Variants in IKZF3 observed in about 807,000 individuals in gnomAD.
IKZF3 encodes the protein zinc finger protein Aiolos.
Under a neutral mutation model 49.0 loss-of-function variants are expected in IKZF3, and 10 were observed. The ratio of observed to expected loss-of-function variants is 0.20; its 90% confidence interval spans 0.13 to 0.35. The LOEUF (loss-of-function observed/expected upper bound fraction) is 0.35. Among genes scored for constraint, IKZF3 ranks in the 10% least tolerant of loss-of-function variants. The pLI is 1.00. For missense variants in IKZF3, 498 were observed against 664.8 expected (o/e 0.75, Z 2.76); for synonymous variants, 209 against 228.2 (o/e 0.92, Z 0.76).
chr17:39,854,461 T>C (rs2062980124), intron 1 of IKZF3, among the ~76,000 whole-genome samples: 2 of 152,116 alleles, frequency 1.3e-5, no homozygotes, highest in African/African-American at 4.8e-5. Flanking sequence ...AGGTGGTAAT[T>C]CCAATCCTAG....
rs77767013 is a variant in IKZF3, at chr17:39,788,124, A to C, written c.709+134T>G. ...ACCACCCGCTAACCTTCCAACTTAC[A>C]GTTTGCTCATTTACTTTCTTTATAA... On this transcript the variant is annotated intron_variant, in intron 6 of 7. Transcript: ENST00000346872. The C allele has an allele frequency of 2.2e-3, 1,352 of 603,128 alleles. 11 individuals are homozygous for C. Among genetic ancestry groups the C allele is most frequent in the African/African-American group, 0.021 (1,136 of 53,764 alleles). The allele number at this position is 603,128 out of a possible 1,614,324, so 37.4% of individuals were successfully genotyped here.
At chr17:39,796,797 C>G (rs1157395600) in intron 3 of IKZF3, among the ~76,000 whole-genome samples, 1 of 150,400 alleles carries the variant, frequency 6.6e-6, no homozygotes, top group African/African-American at 2.4e-5. Context: ...CCACCCACCT[C>G]GGCCTCCCAA....
chr17:39,807,205 T>C (rs1354008689), intron 3 of IKZF3, among the ~76,000 whole-genome samples: 2 of 152,064 alleles, frequency 1.3e-5, no homozygotes, highest in South Asian at 2.1e-4. Flanking sequence ...AATATAGGGG[T>C]AGTTTCTTAT....
intron 1 of IKZF3, among the ~76,000 whole-genome samples, chr17:39,850,121 AT>A (rs1213306382): frequency 5.0e-5 from 7 of 140,922 alleles, no homozygotes; most frequent in African/African-American, 1.8e-4. Context: ...TATATACTAT[AT>A]GTATATATAC....
At chr17:39,834,267 G>C (rs2062198701) in intron 1 of IKZF3, among the ~76,000 whole-genome samples, 1 of 152,194 alleles carries the variant, frequency 6.6e-6, no homozygotes, top group Non-Finnish European at 1.5e-5. Context: ...AGTGAAACTA[G>C]AACTTGTTCA....
chr17:39,788,412 G>A (rs571023490), intron 5 of IKZF3, 38 bp from the exon 6 acceptor site: 1 of 1,345,760 alleles, frequency 7.4e-7, no homozygotes, highest in Admixed American at 1.7e-5. Flanking sequence ...GTGACCCTCA[G>A]GGGTTCCACA....
Position 39,791,516 on chromosome 17 carries a change from G to A in IKZF3, c.492C>T (p.His164=). Residue 164 remains histidine (H), a synonymous_variant, in exon 5 of 8, where the codon CAC becomes CAT. Transcript: ENST00000346872. ...SFTQKGNLLR[H]IKLHTGEKPF... ...GTTTTTCCCCTGTGTGCAGTTTAAT[G>A]TGGCGGAGGAGGTTACCTTTCTGAG... 6.2e-7 allele frequency: 1 copy of A among 1,614,102 alleles called. No homozygotes were observed. Among genetic ancestry groups the A allele is most frequent in the Non-Finnish European group, 8.5e-7 (1 of 1,179,988 alleles).
intron 7 of IKZF3, among the ~76,000 whole-genome samples, chr17:39,771,050 T>C (rs534758269): frequency 6.6e-6 from 1 of 152,324 alleles, no homozygotes; most frequent in Admixed American, 6.5e-5. Context: ...TTTGATTCAC[T>C]TTCCAAGATT....
intron 7 of IKZF3, among the ~76,000 whole-genome samples, chr17:39,777,190 C>T (rs542960764): frequency 1.3e-5 from 2 of 152,346 alleles, no homozygotes; most frequent in Middle Eastern, 3.4e-3. Flanking sequence ...TGCCCAACCA[C>T]TTTCCCTTAA....
rs1484548101 is a variant in IKZF3 at position 39,762,518 on chromosome 17, A to G, written c.*3272T>C. 2.6e-5 allele frequency: 4 copies of G among 152,196 alleles called. No individual in the cohort carries two copies. Among genetic ancestry groups the G allele is most frequent in the African/African-American group, 9.7e-5 (4 of 41,430 alleles). 9.4% of individuals were successfully genotyped at this position (152,196 alleles called of 1,614,324 possible). A position where few individuals can be genotyped will look rare whatever the true frequency, so the allele number is the denominator to read the frequency against. On this transcript the variant is annotated 3_prime_UTR_variant, in exon 8 of 8. Transcript: ENST00000346872. ...GCAGCAAATTCATTAGTCACAGGAA[A>G]AAGGAGGATCATATCTATAAAAAGA...
At chr17:39,826,782 A>T (rs1598129948) in intron 3 of IKZF3, among the ~76,000 whole-genome samples, 1 of 152,204 alleles carries the variant, frequency 6.6e-6, no homozygotes, top group Non-Finnish European at 1.5e-5. Flanking sequence ...GGGGGATGCT[A>T]CAGCCACTGC....
At chr17:39,788,155 C>T (rs961004079) in intron 6 of IKZF3, 103 bp downstream of exon 6, 2 of 690,318 alleles carry the variant, frequency 2.9e-6, no homozygotes, top group African/African-American at 3.6e-5. Context: ...TATAATCTGT[C>T]TGCCCCCAGT....
chr17:39,762,969 T>C lies in IKZF3; in HGVS notation c.*2821A>G, dbSNP rs1436054280. The C allele has an allele frequency of 1.3e-5, 2 of 152,210 alleles. No homozygotes were observed. The highest frequency in any genetic ancestry group is 2.9e-5 in the Non-Finnish European group (2 of 68,042). 9.4% of individuals were successfully genotyped at this position (152,210 alleles called of 1,614,324 possible). A position where few individuals can be genotyped will look rare whatever the true frequency, so the allele number is the denominator to read the frequency against. Reference sequence around the variant, plus strand: ...GGTGGAAAGGCTTCCTTTCCCTCGTTTTCTCTTCTACTAATCCCTGCTTCC... The same window carrying C: ...GGTGGAAAGGCTTCCTTTCCCTCGTCTTCTCTTCTACTAATCCCTGCTTCC... On this transcript the variant is annotated 3_prime_UTR_variant, in exon 8 of 8. Transcript: ENST00000346872.
At chr17:39,861,980 C>T (rs1463988466) in intron 1 of IKZF3, among the ~76,000 whole-genome samples, 1 of 151,998 alleles carries the variant, frequency 6.6e-6, no homozygotes, top group African/African-American at 2.4e-5. Flanking sequence ...TCTGCCATTA[C>T]CTGTGAAATT....
At chr17:39,776,265 A>G (rs2060586696) in intron 7 of IKZF3, among the ~76,000 whole-genome samples, 2 of 152,364 alleles carry the variant, frequency 1.3e-5, no homozygotes, top group South Asian at 4.1e-4. Flanking sequence ...AACAAAACCC[A>G]TAACTTTCTC....
intron 6 of IKZF3, among the ~76,000 whole-genome samples, chr17:39,780,184 T>C (rs2060702544): frequency 6.6e-6 from 1 of 151,070 alleles, no homozygotes; most frequent in Non-Finnish European, 1.5e-5. Context: ...ACAATTACTT[T>C]TGCACCAACC....
intron 3 of IKZF3, among the ~76,000 whole-genome samples, chr17:39,807,401 CTTTT>C (rs1257023793): frequency 2.9e-5 from 4 of 136,190 alleles, no homozygotes; most frequent in Admixed American, 1.5e-4. Flanking sequence ...CAATGATATT[CTTTT>C]TTTTTTTTTT....
chr17:39,839,495 C>G (rs2062402570), intron 1 of IKZF3: 1 of 568,688 alleles, frequency 1.8e-6, no homozygotes, highest in African/African-American at 1.9e-5. Flanking sequence ...CCAGGAATCA[C>G]TTAATCCTGA....
At chr17:39,849,921 G>A (rs2062747931) in intron 1 of IKZF3, among the ~76,000 whole-genome samples, 1 of 151,352 alleles carries the variant, frequency 6.6e-6, no homozygotes, top group Admixed American at 6.6e-5. Flanking sequence ...GCTAGTGGGA[G>A]GGTAAACTGA....
Sources: allele counts gnomAD v4.1 joint callset (sites outside exome capture counted in the v4.1 genomes callset), GRCh38; gene constraint gnomAD v4.1.1; transcripts MANE v1.5; gene names NCBI Gene and HGNC (gene_info 2026-07-23, HGNC 2026-07-21).